CFAP70: variants seen among roughly 807,000 people sequenced by gnomAD.
The protein encoded by CFAP70 is cilia and flagella associated protein 70, also known as cilia- and flagella-associated protein 70.
A neutral mutation model predicts 137.6 loss-of-function variants in CFAP70; 81 were observed. The observed-to-expected ratio is 0.59, with a 90% CI of 0.49 to 0.71. CFAP70 has a LOEUF of 0.71. Ranked by LOEUF, CFAP70 falls within the 30% of genes least tolerant of loss-of-function variation. CFAP70 has a pLI of 0.00. For missense variants in CFAP70, 976 were observed against 1,226.7 expected (o/e 0.80, Z 3.05); for synonymous variants, 382 against 423.6 (o/e 0.90, Z 1.20).
rs200244105 is a variant in CFAP70 at position 73,345,186 on chromosome 10, A to G, written c.350-72T>C. 3 of 1,614,180 alleles carry G rather than the reference A, an allele frequency of 1.9e-6. No homozygotes were observed. In the East Asian group the frequency reaches 6.7e-5, roughly 36 times the overall value. On this transcript the variant is annotated intron_variant, in intron 4 of 26. Transcript: ENST00000310715. ...GACCTTCAGTAGATTGCCCCCTGAG[A>G]TCTGGGCTGTGGTCAGTAAAGGCTC...
chr10:73,258,918 T>C (rs1241681523), intron 25 of CFAP70, among the ~76,000 whole-genome samples: 2 of 152,214 alleles, frequency 1.3e-5, no homozygotes, highest in East Asian at 1.9e-4. Context: ...GATGTCATCA[T>C]TGATAATGCG....
intron 21 of CFAP70, 196 bp downstream of exon 22, chr10:73,277,044 C>T: frequency 2.0e-6 from 1 of 492,926 alleles, no homozygotes; most frequent in Non-Finnish European, 3.4e-6. Flanking sequence ...GCAGAACTTG[C>T]AGCGAGGTCT....
exon 12 of CFAP70, chr10:73,310,203 T>A (rs1268943172): frequency 6.2e-7 from 1 of 1,613,284 alleles, no homozygotes. Context: ...CAAGGCTTTG[T>A]CCAGCTGAAT....
chr10:73,300,946 A>T (rs910126119), intron 12 of CFAP70, among the ~76,000 whole-genome samples: 1 of 152,250 alleles, frequency 6.6e-6, no homozygotes, highest in Non-Finnish European at 1.5e-5. Flanking sequence ...CATTAAACAA[A>T]ATAGACAAAA....
exon 13 of CFAP70, chr10:73,299,606 T>G (rs1358574468): frequency 1.2e-6 from 2 of 1,613,298 alleles, no homozygotes; most frequent in Non-Finnish European, 1.7e-6. Context: ...GGCACTTGCC[T>G]TCTGAGCTCC....
intron 8 of CFAP70, among the ~76,000 whole-genome samples, chr10:73,323,545 A>G (rs1176963869): frequency 2.0e-5 from 3 of 152,244 alleles, no homozygotes; most frequent in African/African-American, 7.2e-5. Flanking sequence ...GGGAAGCGCA[A>G]GGGGTCAGGG....
At chr10:73,347,194 C>T (rs2053783607) in intron 4 of CFAP70, 1 of 152,170 alleles carries the variant, frequency 6.6e-6, no homozygotes, top group East Asian at 1.9e-4. Context: ...GGGAGGCCTC[C>T]ATTATAAAGG....
chr10:73,277,277 T>C, exon 21 of CFAP70: 1 of 1,614,098 alleles, frequency 6.2e-7, no homozygotes, highest in Non-Finnish European at 8.5e-7. Context: ...ATGTATGGTC[T>C]CCATGAAGAT....
At chr10:73,354,661 G>T in intron 2 of CFAP70, 73 bp downstream of exon 2, 1 of 1,288,238 alleles carries the variant, frequency 7.8e-7, no homozygotes, top group South Asian at 1.2e-5. Context: ...GGTAGAGAAT[G>T]AAGCAAAATT....
chr10:73,349,832 C>G (rs570377450), intron 3 of CFAP70, among the ~76,000 whole-genome samples: 2 of 152,198 alleles, frequency 1.3e-5, no homozygotes, highest in Non-Finnish European at 2.9e-5. Flanking sequence ...ATACTTTTAT[C>G]ATATTTGCTT....
chr10:73,278,122 TTCA>T, intron 20 of CFAP70, 54 bp downstream of exon 21: 6 of 1,559,694 alleles, frequency 3.8e-6, no homozygotes, highest in Non-Finnish European at 5.3e-6. Context: ...CGTAAGAGTC[TTCA>T]TCCTTGTCTA....
chr10:73,299,102 C>T lies in CFAP70; in HGVS notation c.1318-1G>A. ...TCTGTATGTGGTAGTCACTCACTGC[C>T]TAAGAAAATACAAAACATCTGGTAG... On this transcript the variant is annotated splice_acceptor_variant, in intron 13 of 26. Transcript: ENST00000310715. LOFTEE classifies it high-confidence loss of function. 6.2e-7 allele frequency: 1 copy of T among 1,602,806 alleles called. No individual in the cohort carries two copies. Among genetic ancestry groups the T allele is most frequent in the South Asian group, 1.1e-5 (1 of 89,150 alleles).
At chr10:73,257,876 CTTT>C (rs745485451) in intron 25 of CFAP70, among the ~76,000 whole-genome samples, 1 of 129,924 alleles carries the variant, frequency 7.7e-6, no homozygotes. Context: ...CCTTTTCCTT[CTTT>C]TTTTTTTTTT....
chr10:73,320,771 A>T (rs1244836172), intron 9 of CFAP70, among the ~76,000 whole-genome samples: 1 of 151,510 alleles, frequency 6.6e-6, no homozygotes, highest in Admixed American at 6.6e-5. Context: ...AGGTTCGAGC[A>T]ATTCTCCTGC....
intron 12 of CFAP70, among the ~76,000 whole-genome samples, chr10:73,304,168 C>T (rs911703188): frequency 6.6e-6 from 1 of 152,074 alleles, no homozygotes; most frequent in Admixed American, 6.5e-5. Context: ...GCAATTCTGC[C>T]TCAGCCTCCC....
chr10:73,354,629 A>C, intron 2 of CFAP70, 105 bp downstream of exon 2: 1 of 851,196 alleles, frequency 1.2e-6, no homozygotes, highest in Admixed American at 2.0e-5. Flanking sequence ...TGCCACTGCT[A>C]CATAAAGCCA....
chr10:73,265,000 G>A (rs759475293), intron 25 of CFAP70, among the ~76,000 whole-genome samples: 7 of 152,158 alleles, frequency 4.6e-5, no homozygotes, highest in African/African-American at 1.7e-4. Context: ...CATTAATCTC[G>A]GTTTATCCTT....
At chr10:73,331,312 CA>C in intron 7 of CFAP70, 36 bp from the exon 9 acceptor site, 1 of 1,530,916 alleles carries the variant, frequency 6.5e-7, no homozygotes, top group South Asian at 1.2e-5. Context: ...GCATTATATG[CA>C]AAAATAAAGT....
chr10:73,263,587 T>C (rs933482898), intron 25 of CFAP70, among the ~76,000 whole-genome samples: 1 of 152,226 alleles, frequency 6.6e-6, no homozygotes, highest in African/African-American at 2.4e-5. Context: ...GGTTATGAAC[T>C]TTTAACAGGA....
Sources: gnomAD v4.1 joint callset for allele counts (sites outside exome capture counted in the v4.1 genomes callset) on GRCh38, gnomAD v4.1.1 for gene constraint, MANE v1.5 for transcripts, NCBI Gene and HGNC (gene_info 2026-07-23, HGNC 2026-07-21) for gene names.